SLC52A3: variants seen among roughly 807,000 people sequenced by gnomAD.
The protein encoded by SLC52A3 is solute carrier family 52 member 3, also known as solute carrier family 52, riboflavin transporter, member 3.
A neutral mutation model predicts 29.5 loss-of-function variants in SLC52A3; 20 were observed. The observed-to-expected ratio is 0.68, with a 90% CI of 0.48 to 0.99. The LOEUF (loss-of-function observed/expected upper bound fraction) is 0.99. SLC52A3 is among the 50% of genes least tolerant of loss of function. The pLI is 0.00. For synonymous variants in SLC52A3, 301 were observed against 271.0 expected (o/e 1.11, Z -1.09); for missense variants, 548 against 612.9 (o/e 0.89, Z 1.12).
rs1288873761 is a variant in SLC52A3, at chr20:765,705, A to G, written c.70T>C (p.Trp24Arg). The change falls in exon 2 of 5, where the codon TGG becomes CGG. Residue 24 changes from tryptophan (W) to arginine (R), a missense_variant. By Grantham distance (101) the Trp-to-Arg change is moderately radical. Around this residue, in one of 2 missense-constraint regions of SLC52A3, gnomAD observed 375 missense variants for 471.1 expected, o/e 0.80. Transcript: ENST00000645534. This position sits in a 1 kb window ranked among gnomAD's most constrained non-coding sequence, Gnocchi z 6.6. ...ATCACCAGCAGGGGCAGCTCTACCCAGAGCCCATTGATGGTCACCCAGGAG... is the reference window on the plus strand; with the variant it reads ...ATCACCAGCAGGGGCAGCTCTACCCGGAGCCCATTGATGGTCACCCAGGAG... ...MGSWVTINGL[W>R]VELPLLVMEL... The G allele has an allele frequency of 2.5e-6, 4 of 1,613,770 alleles. No individual in the cohort carries two copies. In the Admixed American group the frequency reaches 6.7e-5, roughly 27 times the overall value.
At chr20:769,251 T>G (rs891015835), upstream of SLC52A3, among the ~76,000 whole-genome samples, 7 of 152,216 alleles carry the variant, frequency 4.6e-5, no homozygotes, top group African/African-American at 1.7e-4. Flanking sequence ...CAAGCAACCT[T>G]CAGCATTTCT....
In SLC52A3 at chr20:763,713, CCCCTGG is replaced by C. The variant is rs1986570199; in HGVS notation, c.852_857del (p.Gln285_Gly286del). 6.2e-7 allele frequency: 1 copy of C among 1,614,042 alleles called. No homozygotes were observed. The highest frequency in any genetic ancestry group is 8.5e-7 in the Non-Finnish European group (1 of 1,180,006). ...AGGGGGCTGCTTTCTCCTCTAGATA[CCCCTGG>C]CCCTGGCTGCTGTCCACCGTGCCTG... On this transcript the variant is annotated inframe_deletion, in exon 3 of 5. Coordinates refer to ENST00000645534, the MANE Select transcript of SLC52A3 (RefSeq NM_033409.4).
rs1242944881 is a variant in SLC52A3 at position 765,246 on chromosome 20, G to T, written c.529C>A (p.Pro177Thr). The T allele has an allele frequency of 6.2e-7, 1 of 1,614,074 alleles. No individual in the cohort carries two copies. Among genetic ancestry groups the T allele is most frequent in the Non-Finnish European group, 8.5e-7 (1 of 1,180,044 alleles). ...GTCTCCCTCGTGGGTACAGGGCTTG[G>T]TACGCTGTCTGATATCTCAGTGACA... ...VNVTEISDSV[P>T]SPVPTRETDI... The change falls in exon 2 of 5, where the codon CCA becomes ACA. Residue 177 changes from proline to threonine, a missense_variant. Physicochemically the swap from Pro to Thr is conservative, Grantham distance 38. This residue lies in a region of SLC52A3 where 375 missense variants were observed against 471.1 expected (regional missense o/e 0.80). Transcript: ENST00000645534. The surrounding 1 kb of genome is among the most constrained non-coding windows in gnomAD (Gnocchi z 6.6).
At chr20:761,449 C>T (rs1986476175) in intron 4 of SLC52A3, 3 of 746,870 alleles carry the variant, frequency 4.0e-6, no homozygotes, top group Non-Finnish European at 6.4e-6. Context: ...GGTTCACGTG[C>T]CCATGATCAG....
At chr20:771,171 G>A (rs577665649), upstream of SLC52A3, among the ~76,000 whole-genome samples, 1 of 152,312 alleles carries the variant, frequency 6.6e-6, no homozygotes, top group African/African-American at 2.4e-5. Context: ...TATAATTCCA[G>A]CACTTTGGGA....
chr20:777,900 C>G (rs1038577456), upstream of SLC52A3, among the ~76,000 whole-genome samples: 3 of 151,954 alleles, frequency 2.0e-5, no homozygotes, highest in African/African-American at 7.3e-5. Flanking sequence ...AGGAGTAGCT[C>G]TGGAAAGCTA....
chr20:774,118 G>A (rs974873367), intron 1 of SLC52A3, among the ~76,000 whole-genome samples: 17 of 152,234 alleles, frequency 1.1e-4, no homozygotes, highest in African/African-American at 3.6e-4. Context: ...GCTTGCCACG[G>A]GCTGGGCCAC....
Position 761,154 on chromosome 20 carries a change from C to A in SLC52A3, c.1282G>T (p.Ala428Ser). Residue 428 changes from alanine to serine, a missense_variant, in exon 5 of 5, where the codon GCC becomes TCC. Ala to Ser is a moderately conservative substitution (Grantham distance 99). Coordinates refer to ENST00000645534, the MANE Select transcript of SLC52A3 (RefSeq NM_033409.4). ...GVVLRDLSRS[A>S]LLWCGAAVQL... Reference sequence around the variant, plus strand: ...ACCGCCGCCCCGCACCACAAGAGGGCGCTGCGGCTGAGGTCGCGCAGGACC... The same window carrying A: ...ACCGCCGCCCCGCACCACAAGAGGGAGCTGCGGCTGAGGTCGCGCAGGACC... 1.3e-6 allele frequency: 2 copies of A among 1,585,072 alleles called. No homozygotes were observed. The highest frequency in any genetic ancestry group is 1.7e-6 in the Non-Finnish European group (2 of 1,167,044).
intron 3 of SLC52A3, 25 bp from the exon 4 acceptor site, chr20:761,849 T>TGGAGGTGAGA: frequency 6.2e-7 from 1 of 1,613,394 alleles, no homozygotes; most frequent in Non-Finnish European, 8.5e-7. Flanking sequence ...GGGAGGTGAG[T>TGGAGGTGAGA]GGAGGTGAGA....
chr20:773,241 C>T (rs544600509), upstream of SLC52A3, among the ~76,000 whole-genome samples: 1 of 152,306 alleles, frequency 6.6e-6, no homozygotes, highest in African/African-American at 2.4e-5. Flanking sequence ...ACCATGACAA[C>T]AGTGACAACC....
chr20:779,552 G>A (rs1447525505), upstream of SLC52A3, among the ~76,000 whole-genome samples: 2 of 152,226 alleles, frequency 1.3e-5, no homozygotes, highest in East Asian at 3.8e-4. Flanking sequence ...CCCAGAGGCA[G>A]AGGTTGCAGT....
rs897478857 is a variant in SLC52A3 at position 761,691 on chromosome 20, G to A, written c.1197+10C>T. ...CGCAGCGGGAGCAGCCCCACCGGCC[G>A]GATACTCACAATGAGGACTTCCCCA... On this transcript the variant is annotated intron_variant, in intron 4 of 4. Transcript: ENST00000645534. The A allele has an allele frequency of 4.3e-6, 7 of 1,613,350 alleles. No individual in the cohort carries two copies. Among genetic ancestry groups the A allele is most frequent in the South Asian group, 1.1e-5 (1 of 90,872 alleles).
At chr20:774,048 A>G (rs1449685490) in intron 1 of SLC52A3, among the ~76,000 whole-genome samples, 1 of 151,812 alleles carries the variant, frequency 6.6e-6, no homozygotes, top group African/African-American at 2.4e-5. Context: ...CTCCCATTGG[A>G]GTGTAATCTC....
Position 765,655 on chromosome 20 carries a change from C to T in SLC52A3, c.120G>A (p.Leu40=), listed in dbSNP as rs1986660510. 1 of 1,612,222 alleles carries T rather than the reference C, an allele frequency of 6.2e-7. No homozygotes were observed. The highest frequency in any genetic ancestry group is 8.5e-7 in the Non-Finnish European group (1 of 1,179,452). Residue 40 remains leucine (L), a synonymous_variant, in exon 2 of 5, where the codon CTG becomes CTA. Coordinates refer to ENST00000645534, the MANE Select transcript of SLC52A3 (RefSeq NM_033409.4). This position sits in a 1 kb window ranked among gnomAD's most constrained non-coding sequence, Gnocchi z 6.6. ...GGATGACCACCGTGAGGTAGGAGGG[C>T]AGGTACCAGCCCTCGGGCAGCTCCA... The part of the protein sequence containing the change: ...LVMELPEGWY[L]PSYLTVVIQL...
At chr20:774,289 A>G (rs1484504894) in intron 1 of SLC52A3, among the ~76,000 whole-genome samples, 2 of 152,184 alleles carry the variant, frequency 1.3e-5, no homozygotes, top group African/African-American at 4.8e-5. Context: ...GCAGCCTGAC[A>G]CTGGATACAT....
chr20:762,457 T>C (rs945645993), intron 3 of SLC52A3, among the ~76,000 whole-genome samples: 1 of 152,176 alleles, frequency 6.6e-6, no homozygotes, highest in African/African-American at 2.4e-5. Flanking sequence ...CAAACCTACA[T>C]CTGGGACCAC....
In SLC52A3 at chr20:765,697, C is replaced by T; in HGVS notation, c.78G>A (p.Glu26=). Reference sequence around the variant, plus strand: ...GCAGCTCCATCACCAGCAGGGGCAGCTCTACCCAGAGCCCATTGATGGTCA... The same window carrying T: ...GCAGCTCCATCACCAGCAGGGGCAGTTCTACCCAGAGCCCATTGATGGTCA... ...SWVTINGLWV[E]LPLLVMELPE... The change falls in exon 2 of 5, where the codon GAG becomes GAA. Residue 26 remains glutamate, a synonymous_variant. Transcript: ENST00000645534. This position sits in a 1 kb window ranked among gnomAD's most constrained non-coding sequence, Gnocchi z 6.6. The T allele has an allele frequency of 6.2e-7, 1 of 1,613,726 alleles. No homozygotes were observed.
At chr20:773,694 G>T (rs914126419) in intron 1 of SLC52A3, among the ~76,000 whole-genome samples, 19 of 152,140 alleles carry the variant, frequency 1.2e-4, no homozygotes, top group Non-Finnish European at 2.9e-5. Context: ...CTAAGGCTTC[G>T]CATGAGACAG....
chr20:766,562 C>T (rs1485653685), intron 1 of SLC52A3, among the ~76,000 whole-genome samples: 1 of 152,160 alleles, frequency 6.6e-6, no homozygotes, highest in Non-Finnish European at 1.5e-5. Context: ...CTTCTCCTGG[C>T]TCAGAAGCTC....
Sources: allele counts gnomAD v4.1 joint callset (sites outside exome capture counted in the v4.1 genomes callset), GRCh38; gene constraint gnomAD v4.1.1; regional missense constraint gnomAD v4.1.1; non-coding constraint Gnocchi (gnomAD v3.1); transcripts MANE v1.5; gene names NCBI Gene and HGNC (gene_info 2026-07-23, HGNC 2026-07-21).